The following C5 variants were observed in gnomAD, a reference collection of about 807,000 sequenced individuals.
C5 encodes complement C5, also known as C3 and PZP-like alpha-2-macroglobulin domain-containing protein 4.
A neutral mutation model predicts 218.8 loss-of-function variants in C5; 140 were observed. The ratio of observed to expected loss-of-function variants is 0.64; its 90% CI spans 0.56 to 0.74. The LOEUF is 0.74. C5 is among the 30% of genes least tolerant of loss of function. C5 has a pLI of 0.00. For missense variants in C5, 1,700 were observed against 1,969.6 expected, an observed-to-expected ratio of 0.86 and a Z score of 2.59; for synonymous variants, 614 against 682.3, an observed-to-expected ratio of 0.90 and a Z score of 1.56.
At position 120,952,644 on chromosome 9, in the gene C5, G is replaced by C. The variant is rs2046752577; in HGVS notation, c.*95C>G. 8.0e-6 allele frequency: 10 copies of C among 1,243,426 alleles called. No homozygotes were observed. Among genetic ancestry groups the C allele is most frequent in the South Asian group, 1.2e-5 (1 of 81,524 alleles). The allele number at this position is 1,243,426 out of a possible 1,614,324, so 77.0% of individuals were successfully genotyped here. A position where few individuals can be genotyped will look rare whatever the true frequency, so the allele number is the denominator to read the frequency against. On this transcript the variant is annotated 3_prime_UTR_variant, in exon 41 of 41. Transcript: ENST00000223642. ...AAAGTGAGCTTTACAAATAAGACCA[G>C]CTATGAATGTTTAAAAAAAGAAGAA...
chr9:121,032,415 A>G (rs956240455), intron 5 of C5, among the ~76,000 whole-genome samples: 1 of 152,198 alleles, frequency 6.6e-6, no homozygotes, highest in Non-Finnish European at 1.5e-5. Context: ...TTTTTCATAT[A>G]TTGTATTATT....
rs386416117 is a variant in C5 at position 121,041,297 on chromosome 9, C to CTT, written c.421+1705_421+1706dup. Among the ~76,000 whole-genome samples the CTT allele has an allele frequency of 5.2e-4, 38 of 72,670 alleles. 6 individuals carry two copies. Among genetic ancestry groups the CTT allele is most frequent in the African/African-American group, 7.1e-4 (13 of 18,232 alleles). The allele number at this position is 72,670 out of a possible 152,430, so 47.7% of individuals were successfully genotyped here. A position where few individuals can be genotyped will look rare whatever the true frequency, so the allele number is the denominator to read the frequency against. The stretch of plus-strand genomic sequence containing the variant: ...CTGATAGAGAAATAATACATGAAGC[C>CTT]TTTTTTTTTTTTTTTTTTTTTTGCT... On this transcript the variant is annotated intron_variant, in intron 3 of 40. Coordinates refer to ENST00000223642, the MANE Select transcript of C5 (RefSeq NM_001735.3).
At chr9:120,991,107 G>A (rs2047073721) in intron 23 of C5, 84 bp downstream of exon 23, 2 of 885,820 alleles carry the variant, frequency 2.3e-6, no homozygotes, top group South Asian at 1.3e-5. Flanking sequence ...CGGAAGTGGA[G>A]AAACAGAATA....
the C5 span, among the ~76,000 whole-genome samples, chr9:121,066,238 G>C: frequency 6.6e-6 from 1 of 150,668 alleles, no homozygotes; most frequent in Admixed American, 6.6e-5. Context: ...CTTGAACCCG[G>C]GAGGCAGAGG....
At chr9:120,970,359 A>G in intron 31 of C5, 108 bp from the exon 32 acceptor site, 1 of 754,476 alleles carries the variant, frequency 1.3e-6, no homozygotes. Context: ...GATCATTTTC[A>G]TAATCCAGCA....
Position 120,996,866 on chromosome 9 carries a change from T to C in C5, c.2791-566A>G, listed in dbSNP as rs905642669. On this transcript the variant is annotated intron_variant, in intron 21 of 40. Coordinates refer to ENST00000223642, the MANE Select transcript of C5 (RefSeq NM_001735.3). Reference sequence around the variant, plus strand: ...TTGGCCATATGACCCTTAGCAAGAATCTTAGTCCTTTAAAAGTACTATTAT... The same window carrying C: ...TTGGCCATATGACCCTTAGCAAGAACCTTAGTCCTTTAAAAGTACTATTAT... Among the ~76,000 whole-genome samples the C allele has an allele frequency of 1.5e-4, 23 of 152,154 alleles. 1 individual carries two copies. The highest frequency in any genetic ancestry group is 4.3e-4 in the African/African-American group (18 of 41,434).
intron 33 of C5, among the ~76,000 whole-genome samples, chr9:120,965,830 T>C (rs907325858): frequency 3.9e-5 from 6 of 152,196 alleles, no homozygotes; most frequent in Non-Finnish European, 7.4e-5. Context: ...ATGAAAAGGT[T>C]GCTGGAGCCT....
chr9:120,994,743 G>A (rs1349564613), intron 22 of C5, among the ~76,000 whole-genome samples: 3 of 152,114 alleles, frequency 2.0e-5, no homozygotes, highest in African/African-American at 4.8e-5. Context: ...AAAGTCATAT[G>A]AGAAGATTGG....
rs918777427 is a variant in C5, at chr9:120,957,363, T to C, written c.4684A>G (p.Lys1562Glu). Residue 1562 changes from lysine to glutamate, a missense_variant, in exon 39 of 41, where the codon AAA becomes GAA. Coordinates refer to ENST00000223642, the MANE Select transcript of C5 (RefSeq NM_001735.3). ...ACAGTGATGGATGTGATGCTAACTTTATAAGCTGGCAAAAGACAAACAACA... is the reference window on the plus strand; with the variant it reads ...ACAGTGATGGATGTGATGCTAACTTCATAAGCTGGCAAAAGACAAACAACA... ...ACKPEIAYAY[K>E]VSITSITVEN... The C allele has an allele frequency of 3.1e-6, 5 of 1,611,470 alleles. No homozygotes were observed. Among genetic ancestry groups the C allele is most frequent in the Non-Finnish European group, 4.2e-6 (5 of 1,178,054 alleles).
intron 22 of C5, among the ~76,000 whole-genome samples, chr9:120,994,588 C>T (rs2047102324): frequency 8.2e-6 from 1 of 121,332 alleles, no homozygotes; most frequent in Non-Finnish European, 1.8e-5. Context: ...GTCCCCCCAC[C>T]CCACAAAAAA....
At chr9:121,037,991 A>G in intron 3 of C5, 40 bp from the exon 4 acceptor site, 1 of 931,372 alleles carries the variant, frequency 1.1e-6, no homozygotes, top group African/African-American at 1.7e-5. Context: ...TCTGCTAAAA[A>G]CAAGGATATT....
chr9:120,971,352 C>T (rs41312871), intron 31 of C5, among the ~76,000 whole-genome samples: 9,908 of 151,356 alleles, frequency 0.065, 384 homozygotes, highest in Non-Finnish European at 0.091. Context: ...ATGCCATATG[C>T]GTATACACAT....
chr9:121,054,773 G>C (rs1382926187), upstream of C5, among the ~76,000 whole-genome samples: 1 of 152,158 alleles, frequency 6.6e-6, no homozygotes, highest in Non-Finnish European at 1.5e-5. Context: ...TATCTTTTGT[G>C]AGTGAGATTT....
chr9:121,063,517 T>A, the C5 span, among the ~76,000 whole-genome samples: 22 of 152,264 alleles, frequency 1.4e-4, no homozygotes, highest in African/African-American at 5.1e-4. Flanking sequence ...GATCAAGATT[T>A]CCTCAGGTGG....
chr9:121,032,274 G>A (rs1456917374), intron 5 of C5, 79 bp from the exon 6 acceptor site: 2 of 826,738 alleles, frequency 2.4e-6, no homozygotes, highest in Non-Finnish European at 4.1e-6. Context: ...ATAAATTCCT[G>A]TTTTAAAGAG....
At chr9:120,997,438 T>A in intron 21 of C5, 109 bp downstream of exon 21, 1 of 867,210 alleles carries the variant, frequency 1.2e-6, no homozygotes, top group South Asian at 1.5e-5. Flanking sequence ...CCAGTTTCCT[T>A]AATGCTTAAT....
intron 21 of C5, 82 bp from the exon 22 acceptor site, chr9:120,996,382 T>A: frequency 8.4e-7 from 1 of 1,192,018 alleles, no homozygotes; most frequent in South Asian, 1.2e-5. Flanking sequence ...TCTGGACCAC[T>A]TTTCAAACTA....
At chr9:120,961,594 A>G in intron 36 of C5, 29 bp from the exon 37 acceptor site, 1 of 1,414,306 alleles carries the variant, frequency 7.1e-7, no homozygotes, top group Non-Finnish European at 1.0e-6. Context: ...GGTTAAGAGA[A>G]GTGGTTTGAT....
At chr9:120,974,123 C>A (rs943201130) in intron 30 of C5, among the ~76,000 whole-genome samples, 1 of 152,124 alleles carries the variant, frequency 6.6e-6, no homozygotes, top group African/African-American at 2.4e-5. Context: ...TATGTATCAG[C>A]AGCTATATGT....
Sources: allele counts gnomAD v4.1 joint callset (sites outside exome capture counted in the v4.1 genomes callset), GRCh38; gene constraint gnomAD v4.1.1; transcripts MANE v1.5; gene names NCBI Gene and HGNC (gene_info 2026-07-23, HGNC 2026-07-21).